Variants in KCNT1 observed in about 807,000 individuals in gnomAD.
KCNT1 encodes potassium sodium-activated channel subfamily T member 1, also known as potassium channel subfamily T member 1.
Under a neutral mutation model 147.8 loss-of-function variants are expected in KCNT1, and 78 were observed. The observed-to-expected ratio is 0.53, with a 90% CI of 0.44 to 0.64. The LOEUF (loss-of-function observed/expected upper bound fraction) is 0.64, where lower values mean the gene tolerates loss of function less well. Ranked by LOEUF, KCNT1 falls within the 30% of genes least tolerant of loss-of-function variation. The probability of loss-of-function intolerance (pLI) is 0.00; values close to 1 mark genes in which losing one functional copy is unlikely to be tolerated. For synonymous variants in KCNT1, 867 were observed against 748.8 expected (o/e 1.16, Z -2.58); for missense variants, 1,419 against 1,750.3 (o/e 0.81, Z 3.38).
At position 135,784,195 on chromosome 9, in the gene KCNT1, C is replaced by T. The variant is rs371007618; in HGVS notation, c.2943+70C>T. 8.3e-6 allele frequency: 10 copies of T among 1,209,840 alleles called. No individual in the cohort carries two copies. The African/African-American group carries it at 1.3e-4, about 16-fold the overall frequency. The allele number at this position is 1,209,840 out of a possible 1,614,324, so 74.9% of individuals were successfully genotyped here. ...CCCCGTCATGCCCTCAGCTCTTCAG[C>T]CTGGTCCCTGTTCTGAATGATAGGA... On this transcript the variant is annotated intron_variant, in intron 25 of 30. Coordinates refer to ENST00000371757, the MANE Select transcript of KCNT1 (RefSeq NM_020822.3).
At position 135,792,056 on chromosome 9, in the gene KCNT1, C is replaced by T. The variant is rs769180686; in HGVS notation, c.3603C>T (p.Ser1201=). The change falls in exon 31 of 31, where the codon TCC becomes TCT. Residue 1201 remains serine, a synonymous_variant. Transcript: ENST00000371757. The part of the protein sequence containing the change: ...EPSDIVYLIR[S]DPLAHVASSS... ...CCTCCCGCAGCTATCTCATCCGCTC[C>T]GACCCCCTGGCTCACGTGGCCAGCA... 44 of 1,604,074 alleles carry T rather than the reference C, an allele frequency of 2.7e-5. No individual in the cohort carries two copies. The South Asian group carries it at 3.4e-4, about 12-fold the overall frequency.
intron 17 of KCNT1, 55 bp downstream of exon 17, chr9:135,770,502 C>A: frequency 3.9e-6 from 6 of 1,542,566 alleles, no homozygotes; most frequent in Middle Eastern, 3.5e-4. Context: ...CTGCTCTGTG[C>A]CCTCCCCACC....
At chr9:135,762,108 C>T (rs930479774) in intron 11 of KCNT1, among the ~76,000 whole-genome samples, 3 of 152,240 alleles carry the variant, frequency 2.0e-5, no homozygotes, top group African/African-American at 2.4e-5. Context: ...CATTCTGCTC[C>T]TGAAGCACCA....
Position 135,792,214 on chromosome 9 carries a change from G to T in KCNT1, c.*53G>T. The T allele has an allele frequency of 6.4e-7, 1 of 1,569,338 alleles. No individual in the cohort carries two copies. Among genetic ancestry groups the T allele is most frequent in the South Asian group, 1.1e-5 (1 of 87,286 alleles). ...CAAGCCCGGGGTCCTCAGGAAGGAC[G>T]TGGAGGAGCGTGTGAGGACACGGTG... On this transcript the variant is annotated 3_prime_UTR_variant, in exon 31 of 31. Transcript: ENST00000371757.
chr9:135,760,399 G>A (rs907721075), intron 11 of KCNT1, among the ~76,000 whole-genome samples: 2 of 152,152 alleles, frequency 1.3e-5, no homozygotes, highest in Admixed American at 6.5e-5. Flanking sequence ...GACTGCCTCC[G>A]ACACCTCCTC....
At chr9:135,719,260 A>G (rs1835831608) in intron 2 of KCNT1, among the ~76,000 whole-genome samples, 1 of 152,180 alleles carries the variant, frequency 6.6e-6, no homozygotes, top group South Asian at 2.1e-4. Context: ...CAGAGGGGTT[A>G]ACAGCCCCCA....
rs921956124 is a variant in KCNT1, at chr9:135,730,566, G to A, written c.254+15846G>A. Among the ~76,000 whole-genome samples the A allele has an allele frequency of 6.6e-6, 1 of 152,166 alleles. No homozygotes were observed. The highest frequency in any genetic ancestry group is 6.5e-5 in the Admixed American group (1 of 15,274). ...GCGATGGGAGGAGGGGCCCAGCCGG[G>A]GAGGGTGGTGGTCACCGGAAGCTGG... On this transcript the variant is annotated intron_variant, in intron 2 of 30. Transcript: ENST00000371757. The surrounding 1 kb of genome is among the most constrained non-coding windows in gnomAD (Gnocchi z 4.7).
At chr9:135,757,409 G>T in intron 9 of KCNT1, 28 bp downstream of exon 9, 1 of 1,592,184 alleles carries the variant, frequency 6.3e-7, no homozygotes. Context: ...GTGCAGCTGG[G>T]ACTTGGGGGG....
chr9:135,712,323 A>C (rs1320151718), intron 1 of KCNT1, among the ~76,000 whole-genome samples: 1 of 152,230 alleles, frequency 6.6e-6, no homozygotes, highest in African/African-American at 2.4e-5. Flanking sequence ...GAAATTGGTA[A>C]TTATTTGGCA....
chr9:135,713,578 C>T (rs890850054), intron 1 of KCNT1, among the ~76,000 whole-genome samples: 9 of 152,208 alleles, frequency 5.9e-5, no homozygotes, highest in Non-Finnish European at 1.3e-4. Flanking sequence ...CTGTGCAGGG[C>T]CTACGGGCAC....
chr9:135,780,564 C>A (rs1280711393), intron 24 of KCNT1, among the ~76,000 whole-genome samples: 2 of 152,222 alleles, frequency 1.3e-5, no homozygotes, highest in Non-Finnish European at 2.9e-5. Context: ...GCTGGGCAGC[C>A]ACCAGGTCAA....
chr9:135,753,000 G>A lies in KCNT1; in HGVS notation c.435-937G>A, dbSNP rs1831273170. Among the ~76,000 whole-genome samples the A allele has an allele frequency of 6.7e-6, 1 of 149,604 alleles. No individual in the cohort carries two copies. Among genetic ancestry groups the A allele is most frequent in the Admixed American group, 6.7e-5 (1 of 15,006 alleles). On this transcript the variant is annotated intron_variant, in intron 4 of 30. Transcript: ENST00000371757. This position sits in a 1 kb window ranked among gnomAD's most constrained non-coding sequence, Gnocchi z 5.1. ...TGAGCAGATGGTTGGAGGGATGAGT[G>A]GATGGATGGATGGAGGGATGGATGG...
intron 2 of KCNT1, among the ~76,000 whole-genome samples, chr9:135,731,916 C>T (rs1465196476): frequency 7.0e-6 from 1 of 143,846 alleles, no homozygotes; most frequent in African/African-American, 2.6e-5. Flanking sequence ...ACAGTTCTTT[C>T]TTTGCTTCAT....
At position 135,742,945 on chromosome 9, in the gene KCNT1, C is replaced by T. The variant is rs1830641273; in HGVS notation, c.255-7153C>T. 1.1e-5 allele frequency: 7 copies of T among 656,092 alleles called. No homozygotes were observed. In the East Asian group the frequency reaches 1.1e-4, roughly 10 times the overall value. 40.6% of individuals were successfully genotyped at this position (656,092 alleles called of 1,614,324 possible). On this transcript the variant is annotated intron_variant, in intron 2 of 30. Coordinates refer to ENST00000371757, the MANE Select transcript of KCNT1 (RefSeq NM_020822.3). The stretch of plus-strand genomic sequence containing the variant: ...CTGGGCCAGGGCCACCGGCACCTCC[C>T]AGTACCCGCTGGTGCCTCTGGGTCC...
chr9:135,764,877 A>C (rs544959757), intron 11 of KCNT1, among the ~76,000 whole-genome samples, 154 bp from the exon 12 acceptor site: 1 of 151,958 alleles, frequency 6.6e-6, no homozygotes, highest in Non-Finnish European at 1.5e-5. Context: ...TACAGTTTCC[A>C]TGTGGGAAAG....
intron 21 of KCNT1, among the ~76,000 whole-genome samples, 198 bp downstream of exon 21, chr9:135,777,708 A>C: frequency 2.1e-5 from 3 of 142,028 alleles, no homozygotes; most frequent in Admixed American, 6.9e-5. Flanking sequence ...GCTCCTCCCC[A>C]CACCCACTCC....
chr9:135,788,184 C>T, intron 29 of KCNT1: 1 of 1,602,954 alleles, frequency 6.2e-7, no homozygotes, highest in Non-Finnish European at 8.5e-7. Flanking sequence ...CTGGCGGGTG[C>T]CGACCACCGC....
At position 135,702,421 on chromosome 9, in the gene KCNT1, C is replaced by CT. The variant is rs1053013129; in HGVS notation, c.110+53_110+54insT. The CT allele has an allele frequency of 6.1e-5, 74 of 1,213,190 alleles. 1 individual carries two copies. The highest frequency in any genetic ancestry group is 9.1e-5 in the Admixed American group (4 of 44,070). The allele number at this position is 1,213,190 out of a possible 1,614,324, so 75.2% of individuals were successfully genotyped here. A position where few individuals can be genotyped will look rare whatever the true frequency, so the allele number is the denominator to read the frequency against. ...GGGGAGGCCCCGGTCTAACCTAAGA[C>CT]CCCCAAGTTCCCCCTCAGGCTCCCG... On this transcript the variant is annotated intron_variant, in intron 1 of 30. Coordinates refer to ENST00000371757, the MANE Select transcript of KCNT1 (RefSeq NM_020822.3).
At chr9:135,751,185 C>A in intron 4 of KCNT1, 144 bp downstream of exon 4, 1 of 751,516 alleles carries the variant, frequency 1.3e-6, no homozygotes, top group Non-Finnish European at 2.2e-6. Flanking sequence ...AGTGCCTGTC[C>A]CAGGATGGAA....
Sources: allele counts gnomAD v4.1 joint callset (sites outside exome capture counted in the v4.1 genomes callset), GRCh38; gene constraint gnomAD v4.1.1; non-coding constraint Gnocchi (gnomAD v3.1); transcripts MANE v1.5; gene names NCBI Gene and HGNC (gene_info 2026-07-23, HGNC 2026-07-21).